Variants in INPP4B observed in about 807,000 individuals in gnomAD.
INPP4B encodes the protein inositol polyphosphate 4-phosphatase type II.
INPP4B carries 55 observed loss-of-function variants against 122.5 expected under a neutral mutation model. The observed-to-expected ratio is 0.45, with a 90% CI of 0.36 to 0.56. INPP4B has a LOEUF of 0.56. Among genes scored for constraint, INPP4B ranks in the 20% least tolerant of loss-of-function variants. The pLI is 0.00. For missense variants in INPP4B, 1,000 were observed against 1,097.7 expected (o/e 0.91, Z 1.26); for synonymous variants, 403 against 388.7 (o/e 1.04, Z -0.43).
At chr4:142,103,216 G>T (rs1785322236) in intron 23 of INPP4B, among the ~76,000 whole-genome samples, 1 of 151,850 alleles carries the variant, frequency 6.6e-6, no homozygotes, top group South Asian at 2.1e-4. Context: ...CACGTGGATG[G>T]TACTCTTCTC....
chr4:142,215,659 C>T (rs1012333457), intron 12 of INPP4B, among the ~76,000 whole-genome samples: 4 of 151,592 alleles, frequency 2.6e-5, no homozygotes, highest in Admixed American at 6.6e-5. Context: ...TTTGGGAGGC[C>T]GAGGCGGGCA....
intron 2 of INPP4B, among the ~76,000 whole-genome samples, chr4:142,560,843 C>T (rs553426488): frequency 6.6e-6 from 1 of 152,100 alleles, no homozygotes; most frequent in Non-Finnish European, 1.5e-5. Flanking sequence ...GGCAACACTC[C>T]CACAGACACA....
At chr4:142,522,575 T>C (rs901165161) in intron 2 of INPP4B, among the ~76,000 whole-genome samples, 2 of 151,958 alleles carry the variant, frequency 1.3e-5, no homozygotes, top group African/African-American at 4.8e-5. Flanking sequence ...TATCATCATA[T>C]GCCAAGTCTG....
chr4:142,420,661 G>T (rs894330180), intron 5 of INPP4B, among the ~76,000 whole-genome samples: 6 of 152,122 alleles, frequency 3.9e-5, no homozygotes, highest in African/African-American at 1.4e-4. Flanking sequence ...AAAGAACATG[G>T]CCTTTGGAAT....
At chr4:142,141,200 A>T (rs2152828060) in intron 18 of INPP4B, among the ~76,000 whole-genome samples, 1 of 152,330 alleles carries the variant, frequency 6.6e-6, no homozygotes. Context: ...ACATATTAGG[A>T]TCAAGGTCTG....
chr4:142,535,575 C>T (rs933268273), intron 2 of INPP4B, among the ~76,000 whole-genome samples: 1 of 152,134 alleles, frequency 6.6e-6, no homozygotes, highest in Non-Finnish European at 1.5e-5. Flanking sequence ...GAATCTCTCA[C>T]ATGTAATAAA....
chr4:142,278,629 A>C (rs1749750969), intron 9 of INPP4B, among the ~76,000 whole-genome samples: 1 of 151,772 alleles, frequency 6.6e-6, no homozygotes. Flanking sequence ...CTCTATTCTC[A>C]TGGCCCCAGG....
intron 7 of INPP4B, among the ~76,000 whole-genome samples, chr4:142,393,048 C>T (rs748890126): frequency 2.0e-5 from 3 of 152,146 alleles, no homozygotes; most frequent in Admixed American, 2.0e-4. Flanking sequence ...ATGTACCCAT[C>T]TCTAAAATGT....
intron 2 of INPP4B, among the ~76,000 whole-genome samples, chr4:142,469,444 T>C (rs879268253): frequency 3.9e-5 from 6 of 152,136 alleles, no homozygotes; most frequent in Non-Finnish European, 5.9e-5. Flanking sequence ...AATTAATTTA[T>C]ATTTTTAGTA....
rs1379614072 is a variant in INPP4B at position 142,702,223 on chromosome 4, TG to T, written c.-191+23615del. ...AAAAATCATTCTTTCAAGTTCAAAT[TG>T]TTTGTTACAATTGGACACAAAAGAC... On this transcript the variant is annotated intron_variant, in intron 2 of 25. Transcript: ENST00000262992. Among the ~76,000 whole-genome samples the T allele has an allele frequency of 5.3e-5, 8 of 152,254 alleles. No homozygotes were observed. In the East Asian group the frequency reaches 1.4e-3, roughly 26 times the overall value.
intron 10 of INPP4B, 65 bp downstream of exon 10, chr4:142,270,598 A>G (rs900685392): frequency 9.1e-7 from 1 of 1,097,658 alleles, no homozygotes; most frequent in Non-Finnish European, 1.4e-6. Flanking sequence ...TGTTGGTGAG[A>G]CAGACATCTG....
chr4:142,520,547 T>A (rs1825952785), intron 2 of INPP4B, among the ~76,000 whole-genome samples: 1 of 151,976 alleles, frequency 6.6e-6, no homozygotes, highest in South Asian at 2.1e-4. Flanking sequence ...TTACTTTATT[T>A]ATTATTGTAT....
At chr4:142,158,473 G>C (rs1024371881) in intron 17 of INPP4B, among the ~76,000 whole-genome samples, 1 of 152,060 alleles carries the variant, frequency 6.6e-6, no homozygotes, top group African/African-American at 2.4e-5. Flanking sequence ...AGGGAATAGT[G>C]CTCTGTAAAC....
At chr4:142,721,561 G>T (rs568068146) in intron 2 of INPP4B, among the ~76,000 whole-genome samples, 35 of 152,302 alleles carry the variant, frequency 2.3e-4, no homozygotes, top group African/African-American at 8.2e-4. Context: ...TGTGGCTCAC[G>T]CCTGTAATCC....
intron 1 of INPP4B, among the ~76,000 whole-genome samples, chr4:142,736,770 A>C (rs1023989491): frequency 2.6e-5 from 4 of 152,132 alleles, no homozygotes; most frequent in Non-Finnish European, 5.9e-5. Flanking sequence ...TTCCTCTTTT[A>C]CTAATTGAAT....
chr4:142,549,641 C>CT (rs1727509246), intron 2 of INPP4B, among the ~76,000 whole-genome samples: 1 of 152,072 alleles, frequency 6.6e-6, no homozygotes, highest in African/African-American at 2.4e-5. Flanking sequence ...GACTGTGTGC[C>CT]TTTTTTATGG....
chr4:142,488,073 T>C (rs1821413695), intron 2 of INPP4B, among the ~76,000 whole-genome samples: 1 of 152,146 alleles, frequency 6.6e-6, no homozygotes, highest in African/African-American at 2.4e-5. Flanking sequence ...AAGATTAAAT[T>C]CTTTTCATTC....
At chr4:142,525,952 A>T (rs1008055687) in intron 2 of INPP4B, among the ~76,000 whole-genome samples, 1 of 152,240 alleles carries the variant, frequency 6.6e-6, no homozygotes, top group East Asian at 1.9e-4. Context: ...GTGAACAGGC[A>T]ACCTACAAAA....
intron 2 of INPP4B, among the ~76,000 whole-genome samples, chr4:142,605,120 C>G (rs1740951420): frequency 6.6e-6 from 1 of 151,854 alleles, no homozygotes; most frequent in African/African-American, 2.4e-5. Context: ...TATTTGGAGT[C>G]AACCTACCAA....
Sources: allele counts gnomAD v4.1 joint callset (sites outside exome capture counted in the v4.1 genomes callset), GRCh38; gene constraint gnomAD v4.1.1; transcripts MANE v1.5; gene names NCBI Gene and HGNC (gene_info 2026-07-23, HGNC 2026-07-21).